Variants in GRIA2 observed in about 807,000 individuals in gnomAD.
GRIA2 encodes glutamate receptor 2.
GRIA2 carries 14 observed loss-of-function variants against 97.3 expected under a neutral mutation model. The observed-to-expected ratio is 0.14, with a 90% CI of 0.10 to 0.23. The LOEUF is 0.23. Ranked by LOEUF, GRIA2 falls within the 10% of genes least tolerant of loss-of-function variation. GRIA2 has a pLI of 1.00. For synonymous variants in GRIA2, 412 were observed against 387.8 expected (o/e 1.06, Z -0.73); for missense variants, 558 against 1,069.8 (o/e 0.52, Z 6.67).
At chr4:157,319,161 G>A (rs1734447644) in intron 5 of GRIA2, among the ~76,000 whole-genome samples, 1 of 152,146 alleles carries the variant, frequency 6.6e-6, no homozygotes, top group African/African-American at 2.4e-5. Context: ...TAAACTAGAT[G>A]AAGCTCTGTA....
At chr4:157,239,189 A>C (rs1730387604) in intron 2 of GRIA2, among the ~76,000 whole-genome samples, 1 of 152,130 alleles carries the variant, frequency 6.6e-6, no homozygotes, top group Admixed American at 6.6e-5. Flanking sequence ...AAGGGGTTGG[A>C]GACTAATCCT....
intron 2 of GRIA2, among the ~76,000 whole-genome samples, chr4:157,248,624 C>CACGT (rs371018811): frequency 8.9e-5 from 1 of 11,258 alleles, no homozygotes; most frequent in African/African-American, 2.8e-4. Flanking sequence ...TGTATATATA[C>CACGT]GTATATATAT....
intron 12 of GRIA2, among the ~76,000 whole-genome samples, chr4:157,349,283 G>C (rs983273953): frequency 6.6e-6 from 1 of 152,010 alleles, no homozygotes; most frequent in Non-Finnish European, 1.5e-5. Context: ...GATTTTCCTG[G>C]GTACTCTTTG....
chr4:157,297,393 G>A (rs1733396274), intron 2 of GRIA2, among the ~76,000 whole-genome samples: 1 of 152,074 alleles, frequency 6.6e-6, no homozygotes, highest in African/African-American at 2.4e-5. Context: ...TTAATAAATA[G>A]TTAATATCAA....
At chr4:157,290,544 T>A (rs1733049422) in intron 2 of GRIA2, among the ~76,000 whole-genome samples, 1 of 151,568 alleles carries the variant, frequency 6.6e-6, no homozygotes, top group African/African-American at 2.4e-5. Context: ...AAGGAACTAG[T>A]TCATGGAATA....
chr4:157,223,035 G>A (rs909874988), intron 2 of GRIA2, among the ~76,000 whole-genome samples: 4 of 152,192 alleles, frequency 2.6e-5, no homozygotes, highest in South Asian at 4.1e-4. Flanking sequence ...TCTGCGGATG[G>A]CTCACTTCCC....
In GRIA2 at chr4:157,220,987, G is replaced by T; in HGVS notation, c.-56G>T. ...CAGAGGAAAACAGCCAAAGAAGGAA[G>T]AGGAGGAAAAGGAAAAAAAAAGGGG... is the stretch of plus-strand genomic sequence containing the variant. On this transcript the variant is annotated 5_prime_UTR_variant, in exon 1 of 16. Coordinates refer to ENST00000264426, the MANE Select transcript of GRIA2 (RefSeq NM_001083619.3). 1 of 860,484 alleles carries T rather than the reference G, an allele frequency of 1.2e-6. No individual in the cohort carries two copies. Among genetic ancestry groups the T allele is most frequent in the South Asian group, 1.4e-5 (1 of 74,020 alleles). 53.3% of individuals were successfully genotyped at this position (860,484 alleles called of 1,614,324 possible).
chr4:157,355,398 C>T (rs539333770), intron 12 of GRIA2, among the ~76,000 whole-genome samples: 18 of 151,054 alleles, frequency 1.2e-4, no homozygotes, highest in African/African-American at 1.7e-4. Context: ...CGTGGTGGCA[C>T]GTGCCTGTAA....
chr4:157,221,685 G>T lies in GRIA2; in HGVS notation c.107G>T (p.Gly36Val). 1.9e-6 allele frequency: 3 copies of T among 1,614,076 alleles called. No individual in the cohort carries two copies. Among genetic ancestry groups the T allele is most frequent in the Non-Finnish European group, 2.5e-6 (3 of 1,179,960 alleles). Residue 36 changes from glycine (G) to valine (V), a missense_variant, in exon 2 of 16, where the codon GGC becomes GTC. By Grantham distance (109) the Gly-to-Val change is moderately radical (BLOSUM62 -3). Around this residue, in one of 8 missense-constraint regions of GRIA2, gnomAD observed 96 missense variants for 176.6 expected, o/e 0.54. Transcript: ENST00000264426. ...SIQIGGLFPR[G>V]ADQEYSAFRV... The stretch of plus-strand genomic sequence containing the variant: ...TTTGCAGGGGGGCTATTTCCTAGGG[G>T]CGCCGATCAAGAATACAGTGCATTT...
At chr4:157,270,726 C>A (rs776164956) in intron 2 of GRIA2, among the ~76,000 whole-genome samples, 1 of 151,968 alleles carries the variant, frequency 6.6e-6, no homozygotes, top group Non-Finnish European at 1.5e-5. Context: ...CAAAGTATTA[C>A]GGCAGTGCTG....
At chr4:157,286,663 T>G (rs554799515) in intron 2 of GRIA2, among the ~76,000 whole-genome samples, 2 of 151,612 alleles carry the variant, frequency 1.3e-5, no homozygotes, top group East Asian at 3.9e-4. Flanking sequence ...TTTTTATCCT[T>G]AGGTGCAACT....
intron 2 of GRIA2, among the ~76,000 whole-genome samples, chr4:157,274,734 A>C (rs565857907): frequency 6.6e-6 from 1 of 151,534 alleles, no homozygotes; most frequent in African/African-American, 2.4e-5. Context: ...TCCACGGTTT[A>C]TATGTGCCAC....
Position 157,361,424 on chromosome 4 carries a change from G to A in GRIA2, c.2406+300G>A, listed in dbSNP as rs1736626013. ...CTCTGCAAATCTTACCGTTTGCTTA[G>A]GCCAAATGGCGCATCAATGACTATC... On this transcript the variant is annotated intron_variant, in intron 14 of 15. Coordinates refer to ENST00000264426, the MANE Select transcript of GRIA2 (RefSeq NM_001083619.3). This position sits in a 1 kb window ranked among gnomAD's most constrained non-coding sequence, Gnocchi z 5.2. The A allele has an allele frequency of 1.2e-5, 10 of 838,316 alleles. No homozygotes were observed. The highest frequency in any genetic ancestry group is 1.9e-5 in the Non-Finnish European group (10 of 520,194). 51.9% of individuals were successfully genotyped at this position (838,316 alleles called of 1,614,324 possible). A position where few individuals can be genotyped will look rare whatever the true frequency, so the allele number is the denominator to read the frequency against.
At chr4:157,285,352 G>A (rs1280088641) in intron 2 of GRIA2, among the ~76,000 whole-genome samples, 1 of 151,172 alleles carries the variant, frequency 6.6e-6, no homozygotes, top group Non-Finnish European at 1.5e-5. Flanking sequence ...TTAATGTTGT[G>A]ATTTGCCTTT....
intron 6 of GRIA2, among the ~76,000 whole-genome samples, chr4:157,328,106 G>A (rs1267798943): frequency 6.6e-6 from 1 of 151,926 alleles, no homozygotes; most frequent in Non-Finnish European, 1.5e-5. Flanking sequence ...ATATTGATAA[G>A]ATTGTTTATT....
chr4:157,352,901 A>C (rs1224683643), intron 12 of GRIA2, among the ~76,000 whole-genome samples: 1 of 151,860 alleles, frequency 6.6e-6, no homozygotes, highest in Non-Finnish European at 1.5e-5. Context: ...TCTACTAAAA[A>C]CACAAAAATT....
Position 157,363,800 on chromosome 4 carries a change from A to T in GRIA2, c.*369A>T. The T allele has an allele frequency of 2.7e-6, 1 of 363,906 alleles. No individual in the cohort carries two copies. Among genetic ancestry groups the T allele is most frequent in the Non-Finnish European group, 4.9e-6 (1 of 203,874 alleles). 22.5% of individuals were successfully genotyped at this position (363,906 alleles called of 1,614,324 possible). On this transcript the variant is annotated 3_prime_UTR_variant, in exon 16 of 16. Transcript: ENST00000264426. ...TCGAGTTACAGACAAAGCGTGGTGG[A>T]CATGCACAGCTAACATGGAAGTACT...
intron 2 of GRIA2, among the ~76,000 whole-genome samples, chr4:157,298,425 A>G (rs1733452243): frequency 6.6e-6 from 1 of 152,104 alleles, no homozygotes; most frequent in Non-Finnish European, 1.5e-5. Context: ...GAACTATTGC[A>G]TATAAATGAT....
chr4:157,230,872 G>A (rs1233027858), intron 2 of GRIA2, among the ~76,000 whole-genome samples: 2 of 151,436 alleles, frequency 1.3e-5, no homozygotes, highest in African/African-American at 4.9e-5. Context: ...TTATTTCTTA[G>A]CGAAAGGGTC....
Sources: gnomAD v4.1 joint callset for allele counts (sites outside exome capture counted in the v4.1 genomes callset) on GRCh38, gnomAD v4.1.1 for gene constraint, gnomAD v4.1.1 regional missense constraint, Gnocchi (gnomAD v3.1) non-coding constraint, MANE v1.5 for transcripts, NCBI Gene and HGNC (gene_info 2026-07-23, HGNC 2026-07-21) for gene names.